DLGAP1: variants seen among roughly 807,000 people sequenced by gnomAD.
DLGAP1 encodes disks large-associated protein 1.
In DLGAP1, 11 loss-of-function variants were observed where a neutral mutation model predicts 90.8. The ratio of observed to expected loss-of-function variants is 0.12; its 90% CI spans 0.08 to 0.20. DLGAP1 has a LOEUF of 0.20. Ranked by LOEUF, DLGAP1 falls within the 10% of genes least tolerant of loss-of-function variation. The pLI is 1.00. For missense variants in DLGAP1, 1,050 were observed against 1,333.8 expected, an observed-to-expected ratio of 0.79 and a Z score of 3.31; for synonymous variants, 558 against 540.7, an observed-to-expected ratio of 1.03 and a Z score of -0.44.
chr18:4,252,693 A>G (rs948249205), intron 1 of DLGAP1, among the ~76,000 whole-genome samples: 1 of 152,220 alleles, frequency 6.6e-6, no homozygotes, highest in Non-Finnish European at 1.5e-5. Context: ...TTTCCCTTCA[A>G]TTTCGACCGT....
intron 1 of DLGAP1, among the ~76,000 whole-genome samples, chr18:4,274,268 C>T (rs968244913): frequency 2.0e-5 from 3 of 151,994 alleles, no homozygotes; most frequent in South Asian, 2.1e-4. Flanking sequence ...TTCTTTGACC[C>T]GCTGGTTATT....
chr18:3,515,892 C>CA (rs2050816503), intron 10 of DLGAP1, among the ~76,000 whole-genome samples: 1 of 152,030 alleles, frequency 6.6e-6, no homozygotes, highest in Non-Finnish European at 1.5e-5. Context: ...ACAGTGTTCG[C>CA]AGCATCTTCA....
At chr18:3,882,886 T>C (rs2071212596) in intron 3 of DLGAP1, among the ~76,000 whole-genome samples, 1 of 152,228 alleles carries the variant, frequency 6.6e-6, no homozygotes, top group Non-Finnish European at 1.5e-5. Flanking sequence ...CATGACTCTC[T>C]AAAATATCAC....
In DLGAP1 at chr18:3,958,460, C is replaced by CAAA. The variant is rs71160925; in HGVS notation, c.-73+46653_-73+46655dup. On this transcript the variant is annotated intron_variant, in intron 3 of 12. Transcript: ENST00000315677. ...AAGAGAGATTGCAAATTAGGATAAG[C>CAAA]AAAAAAAAAAAAAAAAAAAGAGGAC... 2.2e-4 allele frequency among the ~76,000 whole-genome samples: 21 copies of CAAA among 97,172 alleles called. 1 individual carries two copies. The highest frequency in any genetic ancestry group is 1.9e-3 in the East Asian group (6 of 3,150). The allele number at this position is 97,172 out of a possible 152,430, so 63.7% of individuals were successfully genotyped here.
At chr18:4,373,698 A>G (rs2081962094) in intron 1 of DLGAP1, among the ~76,000 whole-genome samples, 1 of 152,158 alleles carries the variant, frequency 6.6e-6, no homozygotes, top group Non-Finnish European at 1.5e-5. Context: ...TGACACCTTT[A>G]TCACATAGAG....
chr18:4,024,473 G>T (rs2149118281), intron 2 of DLGAP1, among the ~76,000 whole-genome samples: 1 of 152,266 alleles, frequency 6.6e-6, no homozygotes, highest in African/African-American at 2.4e-5. Flanking sequence ...ACGGAAACTG[G>T]CTTCCGAGTT....
intron 1 of DLGAP1, among the ~76,000 whole-genome samples, chr18:4,235,108 C>A (rs977521249): frequency 2.0e-5 from 3 of 152,122 alleles, no homozygotes; most frequent in Admixed American, 2.0e-4. Context: ...TCTCTTCGAA[C>A]ACCCTACTCA....
chr18:3,499,453 A>C lies in DLGAP1; in HGVS notation c.2725-59T>G. 2 of 1,530,770 alleles carry C rather than the reference A, an allele frequency of 1.3e-6. No individual in the cohort carries two copies. The highest frequency in any genetic ancestry group is 1.8e-6 in the Non-Finnish European group (2 of 1,132,736). 94.8% of individuals were successfully genotyped at this position (1,530,770 alleles called of 1,614,324 possible). A position where few individuals can be genotyped will look rare whatever the true frequency, so the allele number is the denominator to read the frequency against. ...GCTTCTCAGGACAAGCTTGGGAAAAACTGGGATAGGTCAGTAGTTAGAACA... is the reference window on the plus strand; with the variant it reads ...GCTTCTCAGGACAAGCTTGGGAAAACCTGGGATAGGTCAGTAGTTAGAACA... On this transcript the variant is annotated intron_variant, in intron 12 of 12. Coordinates refer to ENST00000315677, the MANE Select transcript of DLGAP1 (RefSeq NM_004746.4). The surrounding 1 kb of genome is among the most constrained non-coding windows in gnomAD (Gnocchi z 6.4).
chr18:4,298,848 G>C (rs1406196919), intron 1 of DLGAP1, among the ~76,000 whole-genome samples: 1 of 151,936 alleles, frequency 6.6e-6, no homozygotes, highest in Non-Finnish European at 1.5e-5. Flanking sequence ...TTGGGAGGCC[G>C]AGGTGGGTGG....
chr18:3,742,949 TCTTCCTTCCTTCCTTCCTTCCTTC>T (rs143048862), intron 5 of DLGAP1, among the ~76,000 whole-genome samples: 7 of 142,656 alleles, frequency 4.9e-5, no homozygotes, highest in Non-Finnish European at 7.6e-5. Flanking sequence ...TATCAATTTA[TCTTCCTTCCTTCCTTCCTTCCTTC>T]CTTCCTTCCT....
At chr18:4,057,076 T>C (rs2075231512) in intron 2 of DLGAP1, among the ~76,000 whole-genome samples, 1 of 141,856 alleles carries the variant, frequency 7.0e-6, no homozygotes, top group Non-Finnish European at 1.5e-5. Context: ...AGCAGGTAGT[T>C]AGACAGACAT....
intron 9 of DLGAP1, among the ~76,000 whole-genome samples, chr18:3,547,251 G>A (rs1462305234): frequency 1.4e-5 from 2 of 140,946 alleles, no homozygotes; most frequent in Non-Finnish European, 3.0e-5. Context: ...GCAGCAAGCC[G>A]AGATCGCGCC....
At chr18:3,863,219 G>A (rs570736754) in intron 4 of DLGAP1, among the ~76,000 whole-genome samples, 29 of 152,150 alleles carry the variant, frequency 1.9e-4, no homozygotes, top group Admixed American at 5.9e-4. Context: ...TGGCTACCAC[G>A]TGGGACAGCA....
chr18:3,556,933 T>C (rs2053784543), intron 9 of DLGAP1, among the ~76,000 whole-genome samples: 1 of 152,214 alleles, frequency 6.6e-6, no homozygotes, highest in Non-Finnish European at 1.5e-5. Context: ...TTGTGTCTTC[T>C]CTCTTAGTTA....
chr18:4,285,299 GAT>G (rs2079660004), intron 1 of DLGAP1, among the ~76,000 whole-genome samples: 1 of 152,072 alleles, frequency 6.6e-6, no homozygotes, highest in African/African-American at 2.4e-5. Flanking sequence ...CATGCCCAGA[GAT>G]ATCTTTCTAT....
chr18:4,329,619 A>C (rs1322028669), intron 1 of DLGAP1, among the ~76,000 whole-genome samples: 1 of 151,904 alleles, frequency 6.6e-6, no homozygotes, highest in East Asian at 1.9e-4. Context: ...TGAGTCATCT[A>C]ATCTGTGAAA....
chr18:4,247,385 C>T (rs1017175887), intron 1 of DLGAP1, among the ~76,000 whole-genome samples: 2 of 152,138 alleles, frequency 1.3e-5, no homozygotes, highest in African/African-American at 4.8e-5. Flanking sequence ...AACCAGAATT[C>T]GAACCCATGC....
chr18:3,511,280 T>G (rs896722623), intron 10 of DLGAP1, among the ~76,000 whole-genome samples: 5 of 10,992 alleles, frequency 4.5e-4, no homozygotes, highest in African/African-American at 7.4e-4. Flanking sequence ...GTAATGGAGG[T>G]TTTTTTTGTT....
chr18:3,911,545 G>A (rs933875864), intron 3 of DLGAP1, among the ~76,000 whole-genome samples: 1 of 152,196 alleles, frequency 6.6e-6, no homozygotes, highest in African/African-American at 2.4e-5. Flanking sequence ...TCATTTTCAA[G>A]TTGTTCAGTG....
Sources: allele counts gnomAD v4.1 joint callset (sites outside exome capture counted in the v4.1 genomes callset), GRCh38; gene constraint gnomAD v4.1.1; non-coding constraint Gnocchi (gnomAD v3.1); transcripts MANE v1.5; gene names NCBI Gene and HGNC (gene_info 2026-07-23, HGNC 2026-07-21).